The following CACNA1E variants were observed in gnomAD, a reference collection of about 807,000 sequenced individuals.
CACNA1E encodes the protein voltage-dependent R-type calcium channel subunit alpha-1E.
In CACNA1E, 40 loss-of-function variants were observed where a neutral mutation model predicts 259.2. The ratio of observed to expected loss-of-function variants is 0.15; its 90% confidence interval spans 0.12 to 0.20. The LOEUF is 0.20. Ranked by LOEUF, CACNA1E falls within the 10% of genes least tolerant of loss-of-function variation. The pLI is 1.00. For synonymous variants in CACNA1E, 1,104 were observed against 1,138.5 expected (o/e 0.97, Z 0.61); for missense variants, 1,874 against 3,040.1 (o/e 0.62, Z 9.02).
chr1:181,600,747 G>A (rs775879842), intron 6 of CACNA1E, among the ~76,000 whole-genome samples: 2 of 152,156 alleles, frequency 1.3e-5, no homozygotes, highest in Non-Finnish European at 2.9e-5. Flanking sequence ...CTATGAGATA[G>A]CCCAGTTAGA....
chr1:181,577,395 T>TA (rs1225851883), intron 3 of CACNA1E, among the ~76,000 whole-genome samples: 1 of 151,888 alleles, frequency 6.6e-6, no homozygotes, highest in African/African-American at 2.4e-5. Flanking sequence ...AATTTTGAAA[T>TA]AAAAAAATAC....
At chr1:181,479,427 A>G (rs1456845336), upstream of CACNA1E, among the ~76,000 whole-genome samples, 1 of 152,174 alleles carries the variant, frequency 6.6e-6, no homozygotes, top group Non-Finnish European at 1.5e-5. Context: ...TTCCAATCAG[A>G]GTTATGACTA....
intron 7 of CACNA1E, among the ~76,000 whole-genome samples, chr1:181,705,753 T>C (rs1233734912): frequency 6.6e-6 from 1 of 152,206 alleles, no homozygotes; most frequent in Non-Finnish European, 1.5e-5. Context: ...TATGGGAATC[T>C]AGTCAGGACT....
intron 3 of CACNA1E, among the ~76,000 whole-genome samples, chr1:181,514,055 A>C (rs1369859294): frequency 1.3e-5 from 2 of 152,188 alleles, no homozygotes; most frequent in South Asian, 2.1e-4. Flanking sequence ...GCTCCAGGCA[A>C]AGAGCTTGGT....
intron 3 of CACNA1E, 40 bp from the exon 4 acceptor site, chr1:181,577,726 C>A: frequency 7.1e-7 from 1 of 1,398,752 alleles, no homozygotes; most frequent in East Asian, 2.4e-5. Flanking sequence ...AGGGGAAAAC[C>A]AGACTGGTAA....
chr1:181,440,419 C>T (rs1660382753), intron 2 of CACNA1E, among the ~76,000 whole-genome samples: 1 of 98,212 alleles, frequency 1.0e-5, no homozygotes, highest in Non-Finnish European at 2.2e-5. Flanking sequence ...TGCTTCTGGG[C>T]AGGGTGGCCC....
In CACNA1E at chr1:181,766,594, G is replaced by A; in HGVS notation, c.4864G>A (p.Ala1622Thr). The A allele has an allele frequency of 1.9e-6, 3 of 1,613,024 alleles. No individual in the cohort carries two copies. The highest frequency in any genetic ancestry group is 2.5e-6 in the Non-Finnish European group (3 of 1,179,152). The change falls in exon 35 of 48, where the codon GCC (alanine) becomes ACC (threonine). Residue 1622 changes from alanine to threonine, a missense_variant. Coordinates refer to ENST00000367573, the MANE Select transcript of CACNA1E (RefSeq NM_001205293.3). ...LLIAMLFFIY[A>T]IIGMQVFGNI... Reference sequence around the variant, plus strand: ...AATTGCCATGCTTTTCTTCATTTATGCCATCATTGGGATGCAGGTGAGCTG... The same window carrying A: ...AATTGCCATGCTTTTCTTCATTTATACCATCATTGGGATGCAGGTGAGCTG...
intron 7 of CACNA1E, among the ~76,000 whole-genome samples, chr1:181,687,639 A>G (rs1329723570): frequency 6.6e-6 from 1 of 152,204 alleles, no homozygotes; most frequent in African/African-American, 2.4e-5. Context: ...AAAAGGATAC[A>G]GCCAATGGAC....
At chr1:181,434,708 A>G (rs1484860667) in intron 2 of CACNA1E, among the ~76,000 whole-genome samples, 1 of 152,164 alleles carries the variant, frequency 6.6e-6, no homozygotes, top group Non-Finnish European at 1.5e-5. Flanking sequence ...AGAAGCAGGG[A>G]GCGCAGGGGG....
chr1:181,772,003 G>T, intron 36 of CACNA1E, 63 bp from the exon 37 acceptor site: 1 of 1,494,636 alleles, frequency 6.7e-7, no homozygotes, highest in South Asian at 1.2e-5. Context: ...TGGGAAAGAG[G>T]ACCAAGAATA....
intron 2 of CACNA1E, among the ~76,000 whole-genome samples, chr1:181,459,143 T>C (rs2102366274): frequency 6.6e-6 from 1 of 152,352 alleles, no homozygotes; most frequent in Non-Finnish European, 1.5e-5. Flanking sequence ...AGCTGAGATC[T>C]GAAAGCCAGG....
rs139980028 is a variant in CACNA1E at position 181,374,150 on chromosome 1, C to T, written c.-14-38983C>T. 2.1e-3 allele frequency among the ~76,000 whole-genome samples: 322 copies of T among 152,276 alleles called. 1 individual carries two copies. The highest frequency in any genetic ancestry group is 0.016 in the East Asian group (81 of 5,184). On this transcript the variant is annotated intron_variant, in intron 1 of 11. Coordinates refer to the CACNA1E transcript ENST00000524607. Reference sequence around the variant, plus strand: ...TGATGTAGGCATTTAGCACTATGAACTTTCTTCTTAACACTGCTTTAGATG... The same window carrying T: ...TGATGTAGGCATTTAGCACTATGAATTTTCTTCTTAACACTGCTTTAGATG...
At chr1:181,565,919 G>C (rs112364096) in intron 3 of CACNA1E, among the ~76,000 whole-genome samples, 20 of 152,248 alleles carry the variant, frequency 1.3e-4, no homozygotes, top group Admixed American at 1.3e-4. Flanking sequence ...GTGGGTGGTA[G>C]ATCAACAGAA....
intron 2 of CACNA1E, among the ~76,000 whole-genome samples, chr1:181,472,682 G>A (rs1188510553): frequency 2.6e-5 from 4 of 152,192 alleles, no homozygotes; most frequent in Non-Finnish European, 5.9e-5. Context: ...TTCAGCCCCA[G>A]TGAGCTGGTG....
At chr1:181,550,387 C>T (rs1181781708) in intron 3 of CACNA1E, among the ~76,000 whole-genome samples, 1 of 152,078 alleles carries the variant, frequency 6.6e-6, no homozygotes, top group African/African-American at 2.4e-5. Flanking sequence ...TCTGTGTGGA[C>T]ACCTCGATTC....
chr1:181,452,438 C>G (rs1370443786), intron 2 of CACNA1E, among the ~76,000 whole-genome samples: 2 of 152,190 alleles, frequency 1.3e-5, no homozygotes, highest in African/African-American at 4.8e-5. Flanking sequence ...GATTCTTTCA[C>G]ACTTCTCCAG....
chr1:181,320,576 A>G (rs949026455), intron 1 of CACNA1E, among the ~76,000 whole-genome samples: 3 of 152,232 alleles, frequency 2.0e-5, no homozygotes, highest in Non-Finnish European at 1.5e-5. Context: ...TGATGCTCAG[A>G]AAAGTTAACT....
At chr1:181,444,593 A>G (rs1660694117) in intron 2 of CACNA1E, among the ~76,000 whole-genome samples, 1 of 152,142 alleles carries the variant, frequency 6.6e-6, no homozygotes, top group African/African-American at 2.4e-5. Context: ...TGGATTTGAG[A>G]TGGGTGAGAA....
Position 181,798,480 on chromosome 1 carries a change from C to T in CACNA1E, c.6588C>T (p.Thr2196=). The stretch of plus-strand genomic sequence containing the variant: ...GAAGCGAGGAGGGCTCCCCGCTGAC[C>T]TCCCAAGCTCTGGAGAGCAACAATG... The part of the protein sequence containing the change: ...ADGSEEGSPL[T]SQALESNNAC... Residue 2196 remains threonine (T), a synonymous_variant, in exon 48 of 48, where the codon ACC becomes ACT. Coordinates refer to ENST00000367573, the MANE Select transcript of CACNA1E (RefSeq NM_001205293.3). This position sits in a 1 kb window ranked among gnomAD's most constrained non-coding sequence, Gnocchi z 4.2. The T allele has an allele frequency of 6.2e-7, 1 of 1,613,892 alleles. No individual in the cohort carries two copies. The highest frequency in any genetic ancestry group is 2.2e-5 in the East Asian group (1 of 44,862).
Sources: allele counts gnomAD v4.1 joint callset (sites outside exome capture counted in the v4.1 genomes callset), GRCh38; gene constraint gnomAD v4.1.1; non-coding constraint Gnocchi (gnomAD v3.1); transcripts MANE v1.5; gene names NCBI Gene and HGNC (gene_info 2026-07-23, HGNC 2026-07-21).